The following NXPH1 variants were observed in gnomAD, a reference collection of about 807,000 sequenced individuals.
The protein encoded by NXPH1 is neurexophilin-1.
NXPH1 carries 5 observed loss-of-function variants against 23.7 expected under a neutral mutation model. The ratio of observed to expected loss-of-function variants is 0.21; its 90% CI spans 0.11 to 0.44. NXPH1 has a LOEUF of 0.44. NXPH1 is among the 20% of genes least tolerant of loss of function. The probability of loss-of-function intolerance (pLI) is 0.99; values close to 1 mark genes in which losing one functional copy is unlikely to be tolerated. For synonymous variants in NXPH1, 144 were observed against 122.2 expected (o/e 1.18, Z -1.18); for missense variants, 324 against 321.6 (o/e 1.01, Z -0.06).
chr7:8,516,548 C>G (rs1435067604), intron 2 of NXPH1, among the ~76,000 whole-genome samples: 1 of 152,088 alleles, frequency 6.6e-6, no homozygotes, highest in African/African-American at 2.4e-5. Context: ...ATATCTTGAT[C>G]CTGCTGGGGT....
chr7:8,718,908 G>A (rs773324403), intron 2 of NXPH1, among the ~76,000 whole-genome samples: 1 of 152,200 alleles, frequency 6.6e-6, no homozygotes, highest in Non-Finnish European at 1.5e-5. Flanking sequence ...AACTGTATGA[G>A]GAAGCAGGGT....
intron 2 of NXPH1, among the ~76,000 whole-genome samples, chr7:8,542,162 T>G (rs1222429879): frequency 1.3e-5 from 2 of 151,408 alleles, no homozygotes; most frequent in Non-Finnish European, 3.0e-5. Context: ...AATGTTAACA[T>G]TAACAAAACA....
intron 2 of NXPH1, among the ~76,000 whole-genome samples, chr7:8,488,775 C>T (rs375978236): frequency 2.1e-4 from 32 of 152,236 alleles, no homozygotes; most frequent in African/African-American, 6.3e-4. Context: ...CATGTCAAAG[C>T]TTCTGAGGGT....
intron 2 of NXPH1, among the ~76,000 whole-genome samples, chr7:8,454,483 C>G (rs1257099541): frequency 6.6e-6 from 1 of 152,078 alleles, no homozygotes; most frequent in East Asian, 1.9e-4. Flanking sequence ...TTTTACCAAG[C>G]CCTTTGTTCA....
At chr7:8,566,434 T>TC (rs1207425071) in intron 2 of NXPH1, among the ~76,000 whole-genome samples, 6 of 151,864 alleles carry the variant, frequency 4.0e-5, no homozygotes, top group Non-Finnish European at 7.4e-5. Context: ...TGAGGATGTT[T>TC]CCAGAGGAGA....
intron 2 of NXPH1, among the ~76,000 whole-genome samples, chr7:8,620,965 T>C (rs1482830574): frequency 6.6e-6 from 1 of 152,190 alleles, no homozygotes; most frequent in Non-Finnish European, 1.5e-5. Context: ...TCACACAATC[T>C]AAAGGTGTTT....
chr7:8,657,246 G>T (rs1412215079), intron 2 of NXPH1, among the ~76,000 whole-genome samples: 1 of 152,224 alleles, frequency 6.6e-6, no homozygotes, highest in African/African-American at 2.4e-5. Context: ...CCATAAGGTA[G>T]TGCAAGTGCC....
intron 2 of NXPH1, among the ~76,000 whole-genome samples, chr7:8,443,028 G>A (rs1468609787): frequency 6.6e-6 from 1 of 152,232 alleles, no homozygotes; most frequent in Non-Finnish European, 1.5e-5. Flanking sequence ...CAGCAGTAGG[G>A]CCTGCCTCCC....
rs142354186 is a variant in NXPH1 at position 8,747,835 on chromosome 7, A to C, written c.55-3173A>C. Among the ~76,000 whole-genome samples the C allele has an allele frequency of 9.4e-3, 1,428 of 152,322 alleles. 8 individuals carry two copies. Among genetic ancestry groups the C allele is most frequent in the Non-Finnish European group, 0.015 (1,008 of 68,030 alleles). ...ATTTTTACTGATTAATGTTAGTTTTAAATTTTACATTATAGCTACTCTGTG... is the reference window on the plus strand; with the variant it reads ...ATTTTTACTGATTAATGTTAGTTTTCAATTTTACATTATAGCTACTCTGTG... On this transcript the variant is annotated intron_variant, in intron 2 of 2. Coordinates refer to ENST00000405863, the MANE Select transcript of NXPH1 (RefSeq NM_152745.3).
intron 2 of NXPH1, among the ~76,000 whole-genome samples, chr7:8,592,826 C>CTTT (rs536236220): frequency 1.0e-4 from 15 of 142,928 alleles, no homozygotes; most frequent in African/African-American, 3.3e-4. Context: ...GTGAAATAGT[C>CTTT]TTTTTTTTTT....
At chr7:8,745,949 G>A (rs1280307490) in intron 2 of NXPH1, among the ~76,000 whole-genome samples, 1 of 151,896 alleles carries the variant, frequency 6.6e-6, no homozygotes, top group Non-Finnish European at 1.5e-5. Context: ...CCACATCTAA[G>A]GATCATCTCT....
intron 2 of NXPH1, among the ~76,000 whole-genome samples, chr7:8,534,394 G>C (rs910774781): frequency 1.3e-5 from 2 of 152,078 alleles, no homozygotes; most frequent in African/African-American, 4.8e-5. Context: ...GGTTGAAAAC[G>C]TTTGGGTATA....
At chr7:8,591,153 T>G (rs1819086741) in intron 2 of NXPH1, among the ~76,000 whole-genome samples, 4 of 152,078 alleles carry the variant, frequency 2.6e-5, no homozygotes, top group Non-Finnish European at 5.9e-5. Context: ...TGAGACCTAA[T>G]GTTTATTGAG....
chr7:8,727,924 T>A (rs1482183252), intron 2 of NXPH1, among the ~76,000 whole-genome samples: 1 of 151,834 alleles, frequency 6.6e-6, no homozygotes, highest in Non-Finnish European at 1.5e-5. Context: ...TAAATTACCT[T>A]GGGCAGTATG....
Position 8,545,157 on chromosome 7 carries a change from T to C in NXPH1, c.54+109390T>C, listed in dbSNP as rs551509172. Among the ~76,000 whole-genome samples the C allele has an allele frequency of 1.9e-3, 284 of 151,628 alleles. 1 individual carries two copies. The highest frequency in any genetic ancestry group is 6.4e-3 in the African/African-American group (267 of 41,482). On this transcript the variant is annotated intron_variant, in intron 2 of 2. Coordinates refer to ENST00000405863, the MANE Select transcript of NXPH1 (RefSeq NM_152745.3). ...CCAAAATAAAGGAAGAGGAATATTA[T>C]TCAGGGAAAGTTTTATCCCAAAGAG... is the stretch of plus-strand genomic sequence containing the variant.
At chr7:8,495,997 T>G (rs1817332302) in intron 2 of NXPH1, among the ~76,000 whole-genome samples, 1 of 151,926 alleles carries the variant, frequency 6.6e-6, no homozygotes, top group Non-Finnish European at 1.5e-5. Flanking sequence ...AGGGTTCCTG[T>G]GGAAAGAACT....
rs950885783 is a variant in NXPH1 at position 8,639,375 on chromosome 7, C to A, written c.55-111633C>A. ...ACATCTTGATTCCAGACACTACAAACAAAAGGCATGAACATTTACTTTAGA... is the reference window on the plus strand; with the variant it reads ...ACATCTTGATTCCAGACACTACAAAAAAAAGGCATGAACATTTACTTTAGA... On this transcript the variant is annotated intron_variant, in intron 2 of 2. Transcript: ENST00000405863. Among the ~76,000 whole-genome samples, 5 of 151,944 alleles carry A rather than the reference C, an allele frequency of 3.3e-5. No individual in the cohort carries two copies. The South Asian group carries it at 1.0e-3, about 32-fold the overall frequency.
At chr7:8,517,193 G>A (rs1196708488) in intron 2 of NXPH1, among the ~76,000 whole-genome samples, 2 of 152,096 alleles carry the variant, frequency 1.3e-5, no homozygotes, top group African/African-American at 2.4e-5. Flanking sequence ...CAACAGTGGC[G>A]GGTGACTAGG....
At chr7:8,608,028 AG>A (rs1457457198) in intron 2 of NXPH1, among the ~76,000 whole-genome samples, 1 of 152,190 alleles carries the variant, frequency 6.6e-6, no homozygotes, top group African/African-American at 2.4e-5. Flanking sequence ...AACTGGGAGG[AG>A]GTAAGGAAGG....
Sources: allele counts gnomAD v4.1 joint callset (sites outside exome capture counted in the v4.1 genomes callset), GRCh38; gene constraint gnomAD v4.1.1; transcripts MANE v1.5; gene names NCBI Gene and HGNC (gene_info 2026-07-23, HGNC 2026-07-21).